The following ARHGAP12 variants were observed in gnomAD, a reference collection of about 807,000 sequenced individuals.
ARHGAP12 encodes the protein Rho GTPase activating protein 12.
A neutral mutation model predicts 108.6 loss-of-function variants in ARHGAP12; 64 were observed. The ratio of observed to expected loss-of-function variants is 0.59; its 90% confidence interval spans 0.48 to 0.73. The LOEUF (loss-of-function observed/expected upper bound fraction) is 0.73, where lower values mean the gene tolerates loss of function less well. ARHGAP12 is among the 30% of genes least tolerant of loss of function. The probability of loss-of-function intolerance (pLI) is 0.00; values close to 1 mark genes in which losing one functional copy is unlikely to be tolerated. For synonymous variants in ARHGAP12, 312 were observed against 337.2 expected, an observed-to-expected ratio of 0.93 and a Z score of 0.82; for missense variants, 940 against 1,005.9, an observed-to-expected ratio of 0.93 and a Z score of 0.89.
intron 6 of ARHGAP12, among the ~76,000 whole-genome samples, chr10:31,846,578 T>C (rs1836466219): frequency 6.6e-6 from 1 of 152,200 alleles, no homozygotes; most frequent in Non-Finnish European, 1.5e-5. Flanking sequence ...GGCACTCACT[T>C]CATTCAAATT....
At chr10:31,905,234 T>A (rs577558467) in intron 3 of ARHGAP12, among the ~76,000 whole-genome samples, 6 of 152,228 alleles carry the variant, frequency 3.9e-5, no homozygotes, top group Non-Finnish European at 7.3e-5. Flanking sequence ...GATAATTGTA[T>A]AAATTATGTA....
At chr10:31,816,881 A>G (rs900178455) in intron 13 of ARHGAP12, among the ~76,000 whole-genome samples, 14 of 152,238 alleles carry the variant, frequency 9.2e-5, no homozygotes, top group Non-Finnish European at 1.3e-4. Flanking sequence ...CAATATTACA[A>G]ACTACAAAGG....
intron 3 of ARHGAP12, among the ~76,000 whole-genome samples, chr10:31,896,716 T>C (rs1369028664): frequency 6.6e-6 from 1 of 152,160 alleles, no homozygotes; most frequent in African/African-American, 2.4e-5. Flanking sequence ...GGTGGCAAGA[T>C]ACAAGATGAA....
At chr10:31,904,535 A>T (rs1025144976) in intron 3 of ARHGAP12, among the ~76,000 whole-genome samples, 13 of 152,318 alleles carry the variant, frequency 8.5e-5, no homozygotes, top group Admixed American at 8.5e-4. Flanking sequence ...TAACTGTACC[A>T]ATCTGAAACC....
At chr10:31,928,451 C>G (rs1840157926) in intron 1 of ARHGAP12, among the ~76,000 whole-genome samples, 2 of 151,328 alleles carry the variant, frequency 1.3e-5, no homozygotes, top group African/African-American at 4.9e-5. Context: ...ATAGGCTGCG[C>G]CGGCCCCCTC....
At position 31,831,731 on chromosome 10, in the gene ARHGAP12, G is replaced by T; in HGVS notation, c.1448+8C>A. 1 of 1,549,214 alleles carries T rather than the reference G, an allele frequency of 6.5e-7. No individual in the cohort carries two copies. ...TCATGTAAGAACATTAAAGACTTGT[G>T]TACTTACCGAACCTTTTTCCCATTT... On this transcript the variant is annotated splice_region_variant and intron_variant, in intron 10 of 19. Transcript: ENST00000344936.
Position 31,852,587 on chromosome 10 carries a change from T to G in ARHGAP12, c.1100A>C (p.His367Pro). ...ATATTGTCTACCTTGATCATCAACA[T>G]GCTTGAGCCACTATAAAAACAGAAC... is the stretch of plus-strand genomic sequence containing the variant. Reference protein sequence around the residue: ...SDYTNEKWLKHVDDQGRQYYY... With the variant: ...SDYTNEKWLKPVDDQGRQYYY... Residue 367 changes from histidine to proline, a missense_variant, in exon 6 of 20, where the codon CAT (histidine) becomes CCT (proline). Coordinates refer to ENST00000344936, the MANE Select transcript of ARHGAP12 (RefSeq NM_018287.7). 1 of 1,612,536 alleles carries G rather than the reference T, an allele frequency of 6.2e-7. No individual in the cohort carries two copies. Among genetic ancestry groups the G allele is most frequent in the Non-Finnish European group, 8.5e-7 (1 of 1,178,672 alleles).
chr10:31,885,297 T>C (rs1030526093), intron 3 of ARHGAP12, among the ~76,000 whole-genome samples: 3 of 152,212 alleles, frequency 2.0e-5, no homozygotes, highest in African/African-American at 7.2e-5. Context: ...ATTTTTTCAA[T>C]GTAAAAATAA....
intron 3 of ARHGAP12, among the ~76,000 whole-genome samples, chr10:31,888,044 T>A (rs1290344590): frequency 6.6e-6 from 1 of 152,130 alleles, no homozygotes; most frequent in East Asian, 1.9e-4. Context: ...TATAATAAGT[T>A]TGGATGCTCT....
chr10:31,871,052 G>C (rs970365884), intron 3 of ARHGAP12, among the ~76,000 whole-genome samples: 1 of 152,154 alleles, frequency 6.6e-6, no homozygotes. Flanking sequence ...GGATGCTCTA[G>C]AAGCACAGAA....
intron 11 of ARHGAP12, among the ~76,000 whole-genome samples, chr10:31,825,792 G>C (rs1835582646): frequency 6.6e-6 from 1 of 152,084 alleles, no homozygotes; most frequent in Non-Finnish European, 1.5e-5. Flanking sequence ...ATGATAGTAA[G>C]CACTCAAATA....
intron 3 of ARHGAP12, among the ~76,000 whole-genome samples, chr10:31,868,369 G>GT (rs917119961): frequency 1.3e-5 from 2 of 152,086 alleles, no homozygotes; most frequent in African/African-American, 4.8e-5. Context: ...TATTATATAT[G>GT]TTTTTTTCTA....
rs184527973 is a variant in ARHGAP12 at position 31,813,854 on chromosome 10, C to T, written c.1834+405G>A. Among the ~76,000 whole-genome samples the T allele has an allele frequency of 7.9e-5, 12 of 152,248 alleles. No individual in the cohort carries two copies. The East Asian group carries it at 2.3e-3, about 29-fold the overall frequency. On this transcript the variant is annotated intron_variant, in intron 14 of 19. Coordinates refer to ENST00000344936, the MANE Select transcript of ARHGAP12 (RefSeq NM_018287.7). ...ACACATCCTAGTCCAGAGATGGATG[C>T]CTGGTGTCCAGTAGGAAATTATGGT...
intron 10 of ARHGAP12, among the ~76,000 whole-genome samples, chr10:31,826,592 T>TGAAGTTAATCAGA (rs1246391330): frequency 1.3e-5 from 2 of 152,178 alleles, no homozygotes; most frequent in African/African-American, 4.8e-5. Context: ...CCAAAACAAA[T>TGAAGTTAATCAGA]GAAGTTAATC....
chr10:31,885,138 A>T (rs764824022), intron 3 of ARHGAP12, among the ~76,000 whole-genome samples: 1 of 152,174 alleles, frequency 6.6e-6, no homozygotes, highest in Non-Finnish European at 1.5e-5. Context: ...GAAAATGTCT[A>T]ATGTCCTAGT....
At chr10:31,824,403 T>G (rs1036434977) in intron 11 of ARHGAP12, among the ~76,000 whole-genome samples, 1 of 152,130 alleles carries the variant, frequency 6.6e-6, no homozygotes, top group Non-Finnish European at 1.5e-5. Flanking sequence ...AATTAAAAAT[T>G]CATTGAGAAT....
intron 3 of ARHGAP12, among the ~76,000 whole-genome samples, chr10:31,883,295 C>A (rs559059653): frequency 1.3e-5 from 2 of 150,376 alleles, no homozygotes; most frequent in South Asian, 4.2e-4. Context: ...AACTCCATTT[C>A]AAAAAAAAAG....
chr10:31,814,484 T>G, intron 13 of ARHGAP12, 123 bp from the exon 14 acceptor site: 1 of 741,936 alleles, frequency 1.3e-6, no homozygotes, highest in Non-Finnish European at 2.3e-6. Context: ...AACCAATTAG[T>G]ATACAGTATG....
chr10:31,845,158 A>C (rs1836404696), intron 6 of ARHGAP12, among the ~76,000 whole-genome samples: 1 of 152,206 alleles, frequency 6.6e-6, no homozygotes, highest in Admixed American at 6.5e-5. Context: ...TCTTCACTGC[A>C]ATCACATTTT....
Sources: gnomAD v4.1 joint callset for allele counts (sites outside exome capture counted in the v4.1 genomes callset) on GRCh38, gnomAD v4.1.1 for gene constraint, MANE v1.5 for transcripts, NCBI Gene and HGNC (gene_info 2026-07-23, HGNC 2026-07-21) for gene names.